Variants in SEC63 observed in about 807,000 individuals in gnomAD.
The protein encoded by SEC63 is translocation protein SEC63 homolog.
A neutral mutation model predicts 116.2 loss-of-function variants in SEC63; 56 were observed. The ratio of observed to expected loss-of-function variants is 0.48; its 90% CI spans 0.39 to 0.60. The LOEUF (loss-of-function observed/expected upper bound fraction) is 0.60, where lower values mean the gene tolerates loss of function less well. Ranked by LOEUF, SEC63 falls within the 20% of genes least tolerant of loss-of-function variation. The pLI is 0.00. For missense variants in SEC63, 668 were observed against 900.0 expected (o/e 0.74, Z 3.30); for synonymous variants, 273 against 294.6 (o/e 0.93, Z 0.75).
At chr6:107,894,535 A>G (rs1786769273) in intron 14 of SEC63, among the ~76,000 whole-genome samples, 1 of 151,970 alleles carries the variant, frequency 6.6e-6, no homozygotes, top group Admixed American at 6.6e-5. Context: ...ATGAAAATCT[A>G]CATATCCTAA....
At chr6:107,941,169 A>T (rs1770366431) in intron 1 of SEC63, among the ~76,000 whole-genome samples, 1 of 152,232 alleles carries the variant, frequency 6.6e-6, no homozygotes, top group South Asian at 2.1e-4. Context: ...ATAAGTGCAG[A>T]GTGTGTCTTG....
chr6:107,939,590 A>G (rs1770329815), intron 1 of SEC63, among the ~76,000 whole-genome samples: 1 of 152,118 alleles, frequency 6.6e-6, no homozygotes. Context: ...CATCTCTACT[A>G]AAAATACAAA....
intron 4 of SEC63, among the ~76,000 whole-genome samples, chr6:107,920,767 A>G (rs1035000628): frequency 2.0e-5 from 3 of 152,330 alleles, no homozygotes; most frequent in Admixed American, 2.0e-4. Flanking sequence ...ATCTCTTGGA[A>G]GATTAATACG....
At chr6:107,879,178 T>C (rs1237419782) in intron 18 of SEC63, among the ~76,000 whole-genome samples, 1 of 152,216 alleles carries the variant, frequency 6.6e-6, no homozygotes, top group Non-Finnish European at 1.5e-5. Flanking sequence ...TTGTTTTGTT[T>C]TGTTTGAGAC....
chr6:107,919,408 G>T (rs945346248), intron 4 of SEC63, among the ~76,000 whole-genome samples: 2 of 152,106 alleles, frequency 1.3e-5, no homozygotes, highest in Non-Finnish European at 2.9e-5. Flanking sequence ...TTCTTAAGAT[G>T]GTATCTATTC....
intron 1 of SEC63, among the ~76,000 whole-genome samples, chr6:107,935,517 G>C (rs538251635): frequency 7.9e-4 from 118 of 149,290 alleles, no homozygotes; most frequent in Non-Finnish European, 1.5e-3. Context: ...TCTGAAACAT[G>C]TGCTGTGTCC....
chr6:107,902,291 T>C (rs527882728), intron 12 of SEC63, among the ~76,000 whole-genome samples: 1 of 150,982 alleles, frequency 6.6e-6, no homozygotes, highest in Non-Finnish European at 1.5e-5. Context: ...CCAATGTCTA[T>C]TCTCTGCTAG....
chr6:107,904,984 A>G (rs1044206907), intron 10 of SEC63, among the ~76,000 whole-genome samples: 19 of 152,262 alleles, frequency 1.2e-4, no homozygotes, highest in African/African-American at 4.6e-4. Context: ...CCAGCTGGGC[A>G]TGGTGGCTCA....
chr6:107,872,887 C>G lies in SEC63; in HGVS notation c.2060G>C (p.Gly687Ala). ...AGTATACTGATAATTTCCAGGCTTGCCTGGTGCAGGAAACTTCAGCTCTAC... is the reference window on the plus strand; with the variant it reads ...AGTATACTGATAATTTCCAGGCTTGGCTGGTGCAGGAAACTTCAGCTCTAC... ...EEVELKFPAP[G>A]KPGNYQYTVF... is the part of the protein sequence containing the mutation. Residue 687 changes from glycine to alanine, a missense_variant, in exon 20 of 21, where the codon GGC becomes GCC. Around this residue, in one of 5 missense-constraint regions of SEC63, gnomAD observed 85 missense variants for 116.3 expected, o/e 0.73. Coordinates refer to ENST00000369002, the MANE Select transcript of SEC63 (RefSeq NM_007214.5). The G allele has an allele frequency of 6.4e-7, 1 of 1,550,648 alleles. No homozygotes were observed. The highest frequency in any genetic ancestry group is 8.7e-7 in the Non-Finnish European group (1 of 1,145,368).
chr6:107,946,126 G>A (rs1306796190), intron 1 of SEC63, among the ~76,000 whole-genome samples: 5 of 151,670 alleles, frequency 3.3e-5, no homozygotes, highest in Non-Finnish European at 5.9e-5. Flanking sequence ...TAGTAAAGAC[G>A]GGGTTTCACC....
At chr6:107,897,542 A>G (rs1214620143) in intron 14 of SEC63, 107 bp downstream of exon 14, 3 of 836,470 alleles carry the variant, frequency 3.6e-6, no homozygotes, top group African/African-American at 1.7e-5. Flanking sequence ...AATTTGCAAA[A>G]TTAGATCTTG....
intron 1 of SEC63, among the ~76,000 whole-genome samples, chr6:107,946,757 A>G (rs915297156): frequency 6.6e-6 from 1 of 152,198 alleles, no homozygotes; most frequent in African/African-American, 2.4e-5. Context: ...TAAGCTCTAC[A>G]CATTGGGAGG....
chr6:107,914,418 T>C lies in SEC63; in HGVS notation c.453-991A>G, dbSNP rs146123927. On this transcript the variant is annotated intron_variant, in intron 4 of 20. Transcript: ENST00000369002. ...TATTTAACAAAACTCCAATCTGAGA[T>C]AGGCAATGCAGAAATACCTTTATAA... is the stretch of plus-strand genomic sequence containing the variant. 4.1e-3 allele frequency among the ~76,000 whole-genome samples: 624 copies of C among 152,278 alleles called. 3 individuals carry two copies. The highest frequency in any genetic ancestry group is 0.014 in the African/African-American group (585 of 41,570).
rs1787623553 is a variant in SEC63 at position 107,924,288 on chromosome 6, A to G, written c.339+530T>C. On this transcript the variant is annotated intron_variant, in intron 3 of 20. Transcript: ENST00000369002. ...CAAAAAAAAAAAAAGCCTTTAAAAA[A>G]TGTTAACCGGCCGGGCGCGGTGGCT... is the stretch of plus-strand genomic sequence containing the variant. Among the ~76,000 whole-genome samples the G allele has an allele frequency of 3.4e-5, 5 of 148,704 alleles. No homozygotes were observed. In the South Asian group the frequency reaches 1.1e-3, roughly 32 times the overall value.
At chr6:107,933,978 C>T (rs566567030) in intron 1 of SEC63, among the ~76,000 whole-genome samples, 4 of 152,372 alleles carry the variant, frequency 2.6e-5, no homozygotes, top group African/African-American at 9.6e-5. Flanking sequence ...CAGCCTCGGC[C>T]TCCCGAGGTG....
At chr6:107,912,649 A>G in intron 6 of SEC63, 67 bp downstream of exon 6, 1 of 897,060 alleles carries the variant, frequency 1.1e-6, no homozygotes, top group South Asian at 1.4e-5. Flanking sequence ...TGTATTACCA[A>G]GACAGATTGT....
chr6:107,879,738 T>A (rs1786368863), intron 18 of SEC63, among the ~76,000 whole-genome samples: 1 of 151,082 alleles, frequency 6.6e-6, no homozygotes. Context: ...TTTTTTTTTT[T>A]TTTTGAGACA....
At chr6:107,916,110 C>CT (rs1007784106) in intron 4 of SEC63, among the ~76,000 whole-genome samples, 1 of 150,280 alleles carries the variant, frequency 6.7e-6, no homozygotes, top group African/African-American at 2.5e-5. Flanking sequence ...TACCTAAAGA[C>CT]TGGGGGGATA....
In SEC63 at chr6:107,902,888, G is replaced by C. The variant is rs1787040399; in HGVS notation, c.1165C>G (p.His389Asp). ...CGTCTAAGATTGTCCTCTTCAATAT[G>C]AGGGAGCTGCAGAAGGGGAGACTTA... ...QFKSPLLQLP[H>D]IEEDNLRRVS... The change falls in exon 12 of 21, where the codon CAT becomes GAT. Residue 389 changes from histidine (H) to aspartate (D), a missense_variant. Coordinates refer to ENST00000369002, the MANE Select transcript of SEC63 (RefSeq NM_007214.5). The C allele has an allele frequency of 1.2e-6, 2 of 1,613,868 alleles. No homozygotes were observed. Among genetic ancestry groups the C allele is most frequent in the Non-Finnish European group, 1.7e-6 (2 of 1,179,798 alleles).
Sources: allele counts gnomAD v4.1 joint callset (sites outside exome capture counted in the v4.1 genomes callset), GRCh38; gene constraint gnomAD v4.1.1; regional missense constraint gnomAD v4.1.1; transcripts MANE v1.5; gene names NCBI Gene and HGNC (gene_info 2026-07-23, HGNC 2026-07-21).